ACER1: variants seen among roughly 807,000 people sequenced by gnomAD.
ACER1 encodes CTB-180A7.3.
Under a neutral mutation model 24.9 loss-of-function variants are expected in ACER1, and 28 were observed. The observed-to-expected ratio is 1.13, with a 90% confidence interval of 0.83 to 1.54. The LOEUF (loss-of-function observed/expected upper bound fraction) is 1.54, where lower values mean the gene tolerates loss of function less well. ACER1 is among the 40% of genes most tolerant of loss of function. The pLI, the probability that ACER1 is intolerant of heterozygous loss-of-function variation, is 0.00. For missense variants in ACER1, 352 were observed against 349.3 expected, an observed-to-expected ratio of 1.01 and a Z score of -0.06; for synonymous variants, 132 against 131.4, an observed-to-expected ratio of 1.00 and a Z score of -0.03.
chr19:6,340,056 A>ACT, the ACER1 span, among the ~76,000 whole-genome samples: 1 of 151,552 alleles, frequency 6.6e-6, no homozygotes, highest in Non-Finnish European at 1.5e-5. Context: ...CAGGTGGATC[A>ACT]CTTGAGGTCA....
At chr19:6,356,199 T>A in the ACER1 span, among the ~76,000 whole-genome samples, 3 of 150,282 alleles carry the variant, frequency 2.0e-5, no homozygotes, top group Admixed American at 2.0e-4. Flanking sequence ...CTGAAACATG[T>A]GCTGTGTCCA....
At chr19:6,323,077 A>G (rs1201720474) in intron 1 of ACER1, among the ~76,000 whole-genome samples, 1 of 151,950 alleles carries the variant, frequency 6.6e-6, no homozygotes, top group Admixed American at 6.6e-5. Flanking sequence ...ACGCCATTGC[A>G]CTCCAGCCTG....
At chr19:6,315,193 ATATTTATT>A (rs150191095) in intron 1 of ACER1, among the ~76,000 whole-genome samples, 2 of 148,820 alleles carry the variant, frequency 1.3e-5, no homozygotes, top group African/African-American at 2.5e-5. Context: ...TTATTTATTT[ATATTTATT>A]TATTTATTTA....
chr19:6,309,199 A>AAAAT (rs746804298), intron 4 of ACER1, among the ~76,000 whole-genome samples: 21 of 151,808 alleles, frequency 1.4e-4, no homozygotes, highest in African/African-American at 2.2e-4. Flanking sequence ...CTCTGTCTCA[A>AAAAT]AAATAAATAA....
chr19:6,323,718 G>A (rs553429674), intron 1 of ACER1, among the ~76,000 whole-genome samples: 15 of 152,298 alleles, frequency 9.8e-5, no homozygotes, highest in African/African-American at 3.1e-4. Flanking sequence ...CTTTTGGTAG[G>A]GCCTGGCACA....
the ACER1 span, among the ~76,000 whole-genome samples, chr19:6,352,469 T>A: frequency 1.3e-5 from 2 of 152,196 alleles, no homozygotes; most frequent in East Asian, 3.8e-4. Flanking sequence ...GTTCCACTTG[T>A]GGATATTCCA....
At chr19:6,357,207 T>G in the ACER1 span, among the ~76,000 whole-genome samples, 1 of 151,998 alleles carries the variant, frequency 6.6e-6, no homozygotes, top group East Asian at 1.9e-4. Flanking sequence ...CCACCATGCC[T>G]GGCTAATTTT....
the ACER1 span, among the ~76,000 whole-genome samples, chr19:6,351,568 C>CA: frequency 1.1e-3 from 140 of 126,138 alleles, no homozygotes; most frequent in Middle Eastern, 4.4e-3. Flanking sequence ...CGGCCCTTAC[C>CA]AAAAAAAAAA....
In ACER1 at chr19:6,306,617, C is replaced by A; in HGVS notation, c.*97G>T. ...ACGGAAGGGGAAACAGAGGAAGGAA[C>A]CACGAGTGTCCCGCAGGTGCAAGTC... is the stretch of plus-strand genomic sequence containing the variant. On this transcript the variant is annotated 3_prime_UTR_variant, in exon 6 of 6. Transcript: ENST00000301452. 1 of 1,422,246 alleles carries A rather than the reference C, an allele frequency of 7.0e-7. No individual in the cohort carries two copies. Among genetic ancestry groups the A allele is most frequent in the Non-Finnish European group, 9.5e-7 (1 of 1,048,556 alleles). 88.1% of individuals were successfully genotyped at this position (1,422,246 alleles called of 1,614,324 possible). A position where few individuals can be genotyped will look rare whatever the true frequency, so the allele number is the denominator to read the frequency against.
At chr19:6,332,694 A>G (rs2145021392) in intron 1 of ACER1, among the ~76,000 whole-genome samples, 1 of 151,574 alleles carries the variant, frequency 6.6e-6, no homozygotes, top group Non-Finnish European at 1.5e-5. Flanking sequence ...TTTTTTTGAG[A>G]CAGTCTCGCT....
chr19:6,335,543 A>G (rs984842265), upstream of ACER1, among the ~76,000 whole-genome samples: 4 of 152,008 alleles, frequency 2.6e-5, no homozygotes, highest in Non-Finnish European at 4.4e-5. Context: ...GTTCTTAACA[A>G]TCCTACCCCG....
intron 1 of ACER1, among the ~76,000 whole-genome samples, chr19:6,330,360 G>C (rs1600244810): frequency 6.7e-6 from 1 of 149,526 alleles, no homozygotes; most frequent in South Asian, 2.1e-4. Flanking sequence ...TAGAGATGGG[G>C]TTTCACCATG....
the ACER1 span, among the ~76,000 whole-genome samples, chr19:6,358,916 A>G: frequency 7.5e-6 from 1 of 132,464 alleles, no homozygotes; most frequent in Non-Finnish European, 1.5e-5. Context: ...CTGGGCAACA[A>G]GAGCAAAACT....
intron 1 of ACER1, 22 bp downstream of exon 1, chr19:6,333,437 C>A: frequency 6.4e-7 from 1 of 1,550,968 alleles, no homozygotes; most frequent in Non-Finnish European, 8.8e-7. Context: ...GGCGAGACTC[C>A]TTCACACACC....
At chr19:6,344,958 C>A in the ACER1 span, among the ~76,000 whole-genome samples, 1 of 150,812 alleles carries the variant, frequency 6.6e-6, no homozygotes, top group Non-Finnish European at 1.5e-5. Flanking sequence ...CTCCGCCTCC[C>A]GGGTTCACAC....
At chr19:6,347,247 A>C in the ACER1 span, among the ~76,000 whole-genome samples, 1 of 141,938 alleles carries the variant, frequency 7.0e-6, no homozygotes, top group African/African-American at 2.7e-5. Flanking sequence ...TTGAGACAGA[A>C]TCTCACTTTG....
At chr19:6,339,188 T>TTTTATAAAGGGATTGA in the ACER1 span, among the ~76,000 whole-genome samples, 1 of 152,108 alleles carries the variant, frequency 6.6e-6, no homozygotes, top group Non-Finnish European at 1.5e-5. Flanking sequence ...AAAAATCTCT[T>TTTTATAAAGGGATTGA]TTTATAAAGG....
At chr19:6,329,356 T>TAGAATAGAATAGAATAGA (rs147227366) in intron 1 of ACER1, among the ~76,000 whole-genome samples, 1,927 of 134,028 alleles carry the variant, frequency 0.014, 16 homozygotes, top group African/African-American at 0.024. Context: ...GGCTTTTTGA[T>TAGAATAGAATAGAATAGA]ATAGAATAGA....
the ACER1 span, among the ~76,000 whole-genome samples, chr19:6,338,626 C>T: frequency 2.0e-5 from 3 of 152,078 alleles, no homozygotes; most frequent in African/African-American, 7.2e-5. Flanking sequence ...TCTCACTCTG[C>T]TGCCAGGCTT....
Sources: gnomAD v4.1 joint callset for allele counts (sites outside exome capture counted in the v4.1 genomes callset) on GRCh38, gnomAD v4.1.1 for gene constraint, MANE v1.5 for transcripts, NCBI Gene and HGNC (gene_info 2026-07-23, HGNC 2026-07-21) for gene names.